Variants in ESCO1 observed in about 807,000 individuals in gnomAD.
The protein encoded by ESCO1 is establishment of sister chromatid cohesion N-acetyltransferase 1, also known as N-acetyltransferase ESCO1.
ESCO1 carries 33 observed loss-of-function variants against 83.5 expected under a neutral mutation model. The ratio of observed to expected loss-of-function variants is 0.40; its 90% CI spans 0.30 to 0.53. The LOEUF is 0.53. Ranked by LOEUF, ESCO1 falls within the 20% of genes least tolerant of loss-of-function variation. The probability of loss-of-function intolerance (pLI) is 0.63; values close to 1 mark genes in which losing one functional copy is unlikely to be tolerated. For synonymous variants in ESCO1, 332 were observed against 324.3 expected (o/e 1.02, Z -0.25); for missense variants, 855 against 968.0 (o/e 0.88, Z 1.55).
rs891123565 is a variant in ESCO1 at position 21,584,300 on chromosome 18, T to C, written c.-694+10A>G. On this transcript the variant is annotated intron_variant, in intron 2 of 11. Coordinates refer to ENST00000269214, the MANE Select transcript of ESCO1 (RefSeq NM_052911.3). ...GAAGATACTAAATCATAAAATTATA[T>C]GCCACTTACCTTAAAGAAATAATAT... is the stretch of plus-strand genomic sequence containing the variant. 6.6e-6 allele frequency: 1 copy of C among 152,154 alleles called. No homozygotes were observed. Among genetic ancestry groups the C allele is most frequent in the Non-Finnish European group, 1.5e-5 (1 of 68,022 alleles). 9.4% of individuals were successfully genotyped at this position (152,154 alleles called of 1,614,324 possible). A position where few individuals can be genotyped will look rare whatever the true frequency, so the allele number is the denominator to read the frequency against.
At chr18:21,545,646 A>G (rs2146180514) in intron 8 of ESCO1, among the ~76,000 whole-genome samples, 1 of 150,788 alleles carries the variant, frequency 6.6e-6, no homozygotes, top group Non-Finnish European at 1.5e-5. Flanking sequence ...AGTTAAGTTG[A>G]GGCCGGGCGC....
intron 1 of ESCO1, among the ~76,000 whole-genome samples, chr18:21,600,304 G>T (rs1165125343): frequency 1.3e-5 from 2 of 152,270 alleles, no homozygotes; most frequent in Non-Finnish European, 2.9e-5. Context: ...TCGCGGCAGT[G>T]CTGGGAACTC....
intron 8 of ESCO1, among the ~76,000 whole-genome samples, chr18:21,546,846 TG>T (rs144558438): frequency 1.9e-3 from 288 of 152,308 alleles, no homozygotes; most frequent in African/African-American, 6.7e-3. Flanking sequence ...CGTGCCTGGC[TG>T]GTTTAGGTTT....
chr18:21,567,387 A>C (rs2146204587), intron 5 of ESCO1, among the ~76,000 whole-genome samples: 1 of 151,924 alleles, frequency 6.6e-6, no homozygotes, highest in South Asian at 2.1e-4. Flanking sequence ...CTGGTCTCGA[A>C]CTCCAGGCCT....
chr18:21,549,870 G>C (rs2038023083), intron 8 of ESCO1, among the ~76,000 whole-genome samples: 1 of 151,762 alleles, frequency 6.6e-6, no homozygotes, highest in Admixed American at 6.6e-5. Flanking sequence ...GGGAGGCTGA[G>C]GCACGAGAAC....
At chr18:21,544,468 A>G (rs573055464) in intron 8 of ESCO1, among the ~76,000 whole-genome samples, 6 of 151,170 alleles carry the variant, frequency 4.0e-5, no homozygotes, top group African/African-American at 9.7e-5. Flanking sequence ...AAAAACAAAA[A>G]AAAAACAAAA....
At chr18:21,572,979 T>C (rs1343119999) in intron 4 of ESCO1, among the ~76,000 whole-genome samples, 1 of 146,398 alleles carries the variant, frequency 6.8e-6, no homozygotes, top group Non-Finnish European at 1.5e-5. Flanking sequence ...AAAAAAAAAG[T>C]AGTCCCTAAG....
At chr18:21,542,643 TAACAA>T (rs1408503540) in intron 8 of ESCO1, among the ~76,000 whole-genome samples, 1 of 152,194 alleles carries the variant, frequency 6.6e-6, no homozygotes, top group African/African-American at 2.4e-5. Flanking sequence ...TGCACTAATC[TAACAA>T]AACAGTCAAT....
chr18:21,536,023 A>G lies in ESCO1; in HGVS notation c.2187+19T>C, dbSNP rs1412620034. The stretch of plus-strand genomic sequence containing the variant: ...TCATTAAACACCAAATTACTTAAGA[A>G]CACTCTTTTATCACTTACCCATTGG... On this transcript the variant is annotated intron_variant, in intron 10 of 11. Transcript: ENST00000269214. 1 of 1,610,082 alleles carries G rather than the reference A, an allele frequency of 6.2e-7. No individual in the cohort carries two copies. Among genetic ancestry groups the G allele is most frequent in the South Asian group, 1.1e-5 (1 of 90,008 alleles).
intron 8 of ESCO1, chr18:21,540,751 G>C (rs1370457858): frequency 8.2e-7 from 1 of 1,217,772 alleles, no homozygotes; most frequent in Non-Finnish European, 1.0e-6. Context: ...TAGTAAGATG[G>C]GACTGAACCA....
At chr18:21,558,086 G>A (rs2038135617) in intron 8 of ESCO1, among the ~76,000 whole-genome samples, 1 of 150,666 alleles carries the variant, frequency 6.6e-6, no homozygotes, top group Admixed American at 6.7e-5. Context: ...CTGAGCTCAA[G>A]CGATCCTCCC....
At chr18:21,579,603 C>T (rs1259232648) in intron 2 of ESCO1, among the ~76,000 whole-genome samples, 1 of 151,344 alleles carries the variant, frequency 6.6e-6, no homozygotes, top group African/African-American at 2.4e-5. Flanking sequence ...AACCCTGTCT[C>T]TACTAAAAAT....
At chr18:21,536,738 A>G (rs2037843143) in intron 9 of ESCO1, among the ~76,000 whole-genome samples, 1 of 152,148 alleles carries the variant, frequency 6.6e-6, no homozygotes, top group South Asian at 2.1e-4. Flanking sequence ...ATGGGGTGAG[A>G]GCTCCTACAA....
intron 8 of ESCO1, among the ~76,000 whole-genome samples, chr18:21,542,940 G>A (rs2037925798): frequency 6.6e-6 from 1 of 151,932 alleles, no homozygotes; most frequent in African/African-American, 2.4e-5. Context: ...TAGCCACAAC[G>A]TTTTTGCAAA....
chr18:21,599,472 T>C (rs2038810460), intron 1 of ESCO1, among the ~76,000 whole-genome samples: 1 of 152,210 alleles, frequency 6.6e-6, no homozygotes, highest in African/African-American at 2.4e-5. Flanking sequence ...AACTGAAATC[T>C]ATGTTTTATC....
chr18:21,537,549 C>A (rs1201193485), intron 9 of ESCO1, among the ~76,000 whole-genome samples: 1 of 152,054 alleles, frequency 6.6e-6, no homozygotes, highest in African/African-American at 2.4e-5. Flanking sequence ...CAAAACAAAA[C>A]AAAAAACTAA....
At position 21,530,465 on chromosome 18, in the gene ESCO1, A is replaced by G. The variant is rs2037752695; in HGVS notation, c.2401T>C (p.Leu801=). The G allele has an allele frequency of 1.9e-6, 3 of 1,595,912 alleles. No homozygotes were observed. Among genetic ancestry groups the G allele is most frequent in the African/African-American group, 1.4e-5 (1 of 72,830 alleles). ...GAGAAAGCAATTTCTTCTTTGCTCA[A>G]ATATGAGCCATATATAAAGTTACTC... The part of the protein sequence containing the change: ...LRSNFIYGSY[L]SKEEIAFSDP... Residue 801 remains leucine (L), a synonymous_variant, in exon 12 of 12, where the codon TTG becomes CTG. Transcript: ENST00000269214.
At chr18:21,583,441 TG>T (rs1467532200) in intron 2 of ESCO1, among the ~76,000 whole-genome samples, 1 of 152,084 alleles carries the variant, frequency 6.6e-6, no homozygotes, top group Non-Finnish European at 1.5e-5. Flanking sequence ...GTCAGGGGCC[TG>T]ACACCAGCCT....
rs767974631 is a variant in ESCO1 at position 21,574,784 on chromosome 18, G to A, written c.60C>T (p.Asp20=). 201 of 1,601,790 alleles carry A rather than the reference G, an allele frequency of 1.3e-4. No individual in the cohort carries two copies. Among genetic ancestry groups the A allele is most frequent in the Non-Finnish European group, 1.6e-4 (186 of 1,179,260 alleles). ...ENSSKVTKKS[D]DKNSETEIQD... ...GAATTTCTGTTTCTGAATTCTTATC[G>A]TCACTTTTTTTAGTAACTTTGGAGG... Residue 20 remains aspartate, a synonymous_variant, in exon 4 of 12, where the codon GAC becomes GAT. Transcript: ENST00000269214.
Sources: allele counts gnomAD v4.1 joint callset (sites outside exome capture counted in the v4.1 genomes callset), GRCh38; gene constraint gnomAD v4.1.1; transcripts MANE v1.5; gene names NCBI Gene and HGNC (gene_info 2026-07-23, HGNC 2026-07-21).